CLDND2: variants seen among roughly 807,000 people sequenced by gnomAD.
The protein encoded by CLDND2 is claudin domain-containing protein 2.
Under a neutral mutation model 17.7 loss-of-function variants are expected in CLDND2, and 18 were observed. The observed-to-expected ratio is 1.02, with a 90% CI of 0.70 to 1.51. CLDND2 has a LOEUF of 1.51. CLDND2 is among the 40% of genes most tolerant of loss of function. The probability of loss-of-function intolerance (pLI) is 0.00; values close to 1 mark genes in which losing one functional copy is unlikely to be tolerated. For missense variants in CLDND2, 233 were observed against 219.6 expected (o/e 1.06, Z -0.39); for synonymous variants, 113 against 93.0 (o/e 1.22, Z -1.24).
In CLDND2 at chr19:51,367,800, C is replaced by T. The variant is rs1986476746; in HGVS notation, c.310+86G>A. On this transcript the variant is annotated intron_variant, in intron 2 of 3. Transcript: ENST00000291715. The surrounding 1 kb of genome is among the most constrained non-coding windows in gnomAD (Gnocchi z 7.4). ...CTGCCCCTCGGATCCTGGCCGAGTA[C>T]CTCAAGCCCCTCCCCTGGCGACCAG... 1 of 1,535,278 alleles carries T rather than the reference C, an allele frequency of 6.5e-7. No homozygotes were observed. Among genetic ancestry groups the T allele is most frequent in the Admixed American group, 2.0e-5 (1 of 50,620 alleles).
Position 51,368,602 on chromosome 19 carries a change from C to CT in CLDND2, c.-26_-25insA. 6.2e-7 allele frequency: 1 copy of CT among 1,605,506 alleles called. No homozygotes were observed. The highest frequency in any genetic ancestry group is 8.5e-7 in the Non-Finnish European group (1 of 1,176,902). On this transcript the variant is annotated 5_prime_UTR_variant, in exon 1 of 4. Transcript: ENST00000291715. ...TGCCACTGAGGCTGCAGCCGGGGGC[C>CT]ACAAGGGCAGGATGGGCCCAGGCCT...
In CLDND2 at chr19:51,367,872, G is replaced by A; in HGVS notation, c.310+14C>T. 6.2e-7 allele frequency: 1 copy of A among 1,608,148 alleles called. No individual in the cohort carries two copies. Among genetic ancestry groups the A allele is most frequent in the South Asian group, 1.1e-5 (1 of 90,856 alleles). ...CGCCCCTGCCTGCCCGCCTGGGGCG[G>A]TCTGCAGTCTCACCGCCGAGGAAGA... is the stretch of plus-strand genomic sequence containing the variant. On this transcript the variant is annotated intron_variant, in intron 2 of 3. Transcript: ENST00000291715. The surrounding 1 kb of genome is among the most constrained non-coding windows in gnomAD (Gnocchi z 7.4).
chr19:51,367,491 A>T lies in CLDND2; in HGVS notation c.396T>A (p.Ser132=). 1.2e-6 allele frequency: 2 copies of T among 1,606,500 alleles called. No homozygotes were observed. The highest frequency in any genetic ancestry group is 1.7e-6 in the Non-Finnish European group (2 of 1,176,014). ...NNVFFSWSYF[S]GWLALPFSIL... is the part of the protein sequence containing the mutation. The stretch of plus-strand genomic sequence containing the variant: ...TTGAGAAGGGTAAGGCCAGCCACCC[A>T]GAAAAATAGGACCAAGAGAAGAAGA... The change falls in exon 3 of 4, where the codon TCT becomes TCA. Residue 132 remains serine, a synonymous_variant. Transcript: ENST00000291715. This position sits in a 1 kb window ranked among gnomAD's most constrained non-coding sequence, Gnocchi z 7.4.
rs957378057 is a variant in CLDND2 at position 51,367,761 on chromosome 19, G to A, written c.310+125C>T. On this transcript the variant is annotated intron_variant, in intron 2 of 3. Coordinates refer to ENST00000291715, the MANE Select transcript of CLDND2 (RefSeq NM_152353.3). The surrounding 1 kb of genome is among the most constrained non-coding windows in gnomAD (Gnocchi z 7.4). ...GTCTCGAGCCCCGCCCACCTCTCTC[G>A]GCTTCTTCCAGCCCTGCCCCTCGGA... 15 of 1,479,310 alleles carry A rather than the reference G, an allele frequency of 1.0e-5. No homozygotes were observed. The highest frequency in any genetic ancestry group is 2.5e-5 in the East Asian group (1 of 40,522). The allele number at this position is 1,479,310 out of a possible 1,614,324, so 91.6% of individuals were successfully genotyped here. A position where few individuals can be genotyped will look rare whatever the true frequency, so the allele number is the denominator to read the frequency against.
At position 51,367,685 on chromosome 19, in the gene CLDND2, T is replaced by C; in HGVS notation, c.311-109A>G. On this transcript the variant is annotated intron_variant, in intron 2 of 3. Coordinates refer to ENST00000291715, the MANE Select transcript of CLDND2 (RefSeq NM_152353.3). The surrounding 1 kb of genome is among the most constrained non-coding windows in gnomAD (Gnocchi z 7.4). ...TCTATCAGACCACGCCTATCGCCTC[T>C]CAGCCCGCCCCTGGCCCAGGCCCCT... 2.7e-6 allele frequency: 4 copies of C among 1,497,658 alleles called. No individual in the cohort carries two copies. In the East Asian group the frequency reaches 9.9e-5, roughly 37 times the overall value. 92.8% of individuals were successfully genotyped at this position (1,497,658 alleles called of 1,614,324 possible). A position where few individuals can be genotyped will look rare whatever the true frequency, so the allele number is the denominator to read the frequency against.
At chr19:51,367,040 C>A, downstream of CLDND2, 1 of 1,076,640 alleles carries the variant, frequency 9.3e-7, no homozygotes, top group Non-Finnish European at 1.4e-6. This position sits in a 1 kb window ranked among gnomAD's most constrained non-coding sequence, Gnocchi z 7.4. Context: ...CCCTGAGCCT[C>A]TATGCAACCC....
At chr19:51,368,138 G>T in intron 1 of CLDND2, 112 bp from the exon 2 acceptor site, 1 of 1,239,526 alleles carries the variant, frequency 8.1e-7, no homozygotes, top group East Asian at 2.5e-5. Context: ...GTGGCCAGGA[G>T]CCGAGCTCCA....
Position 51,367,692 on chromosome 19 carries a change from GC to G in CLDND2, c.311-117del. ...GACCACGCCTATCGCCTCTCAGCCCGCCCCTGGCCCAGGCCCCTTCCTGCTC... is the reference window on the plus strand; with the variant it reads ...GACCACGCCTATCGCCTCTCAGCCCGCCCTGGCCCAGGCCCCTTCCTGCTC... On this transcript the variant is annotated intron_variant, in intron 2 of 3. Transcript: ENST00000291715. The surrounding 1 kb of genome is among the most constrained non-coding windows in gnomAD (Gnocchi z 7.4). The G allele has an allele frequency of 6.7e-7, 1 of 1,491,346 alleles. No homozygotes were observed. The highest frequency in any genetic ancestry group is 8.9e-7 in the Non-Finnish European group (1 of 1,120,818). 92.4% of individuals were successfully genotyped at this position (1,491,346 alleles called of 1,614,324 possible).
rs373919523 is a variant in CLDND2 at position 51,367,464 on chromosome 19, A to G, written c.423T>C (p.Ile141=). ...TCCCGCTGTCCAGTTTACCCGCGAG[A>G]ATTGAGAAGGGTAAGGCCAGCCACC... ...FSGWLALPFS[I]LAGFCFLLAD... is the part of the protein sequence containing the mutation. Residue 141 remains isoleucine, a synonymous_variant, in exon 3 of 4, where the codon ATT becomes ATC. Transcript: ENST00000291715. This position sits in a 1 kb window ranked among gnomAD's most constrained non-coding sequence, Gnocchi z 7.4. 77 of 1,599,846 alleles carry G rather than the reference A, an allele frequency of 4.8e-5. No individual in the cohort carries two copies. The highest frequency in any genetic ancestry group is 6.4e-5 in the Non-Finnish European group (75 of 1,172,500).
rs1986535614 is a variant in CLDND2, at chr19:51,368,538, G to A, written c.40C>T (p.Leu14Phe). The A allele has an allele frequency of 6.2e-7, 1 of 1,613,966 alleles. No homozygotes were observed. The highest frequency in any genetic ancestry group is 1.3e-5 in the African/African-American group (1 of 75,058). Reference protein sequence around the residue: ...KRSLQSGGILLSLVANVLMVL... With the variant: ...KRSLQSGGILFSLVANVLMVL... ...ATGAGGACGTTGGCCACGAGGCTGA[G>A]CAGAATGCCCCCACTCTGGAGGCTC... Residue 14 changes from leucine (L) to phenylalanine (F), a missense_variant, in exon 1 of 4, where the codon CTC (leucine) becomes TTC (phenylalanine). Physicochemically the swap from Leu to Phe is conservative, Grantham distance 22. Transcript: ENST00000291715.
In CLDND2 at chr19:51,368,920, C is replaced by G. The variant is rs78557740; in HGVS notation, c.-343G>C. ...TTCAGCCCAGCCTGTTCAATGTCCT[C>G]CCCAGACACCCCTCCACACAGGCCC... On this transcript the variant is annotated 5_prime_UTR_variant, in exon 1 of 4. Coordinates refer to ENST00000291715, the MANE Select transcript of CLDND2 (RefSeq NM_152353.3). 0.023 allele frequency: 4,977 copies of G among 219,686 alleles called. 243 individuals are homozygous for G. The highest frequency in any genetic ancestry group is 0.11 in the African/African-American group (4,624 of 43,334). The allele number at this position is 219,686 out of a possible 1,614,324, so 13.6% of individuals were successfully genotyped here.
Position 51,367,473 on chromosome 19 carries a change from G to A in CLDND2, c.414C>T (p.Pro138=). Residue 138 remains proline (P), a synonymous_variant, in exon 3 of 4, where the codon CCC becomes CCT. Transcript: ENST00000291715. The surrounding 1 kb of genome is among the most constrained non-coding windows in gnomAD (Gnocchi z 7.4). ...CCAGTTTACCCGCGAGAATTGAGAA[G>A]GGTAAGGCCAGCCACCCAGAAAAAT... The part of the protein sequence containing the change: ...WSYFSGWLAL[P]FSILAGFCFL... 6.2e-7 allele frequency: 1 copy of A among 1,601,802 alleles called. No homozygotes were observed. The highest frequency in any genetic ancestry group is 8.5e-7 in the Non-Finnish European group (1 of 1,173,520).
At position 51,367,886 on chromosome 19, in the gene CLDND2, C is replaced by A. The variant is rs766917605; in HGVS notation, c.310G>T (p.Gly104Ter). ...QTTSAFLFLGGLLLLTALIGY... is the reference protein window; with the variant it reads ...QTTSAFLFLG ...CGCCTGGGGCGGTCTGCAGTCTCAC[C>A]GCCGAGGAAGAGGAAGGCGCTCGTG... The change falls in exon 2 of 4, where the codon GGA becomes TGA. Residue 104 changes from glycine (G) to a stop codon, truncating the protein, a stop_gained and splice_region_variant. Transcript: ENST00000291715. LOFTEE classifies it high-confidence loss of function. The surrounding 1 kb of genome is among the most constrained non-coding windows in gnomAD (Gnocchi z 7.4). 6.2e-7 allele frequency: 1 copy of A among 1,610,386 alleles called. No individual in the cohort carries two copies. The highest frequency in any genetic ancestry group is 2.2e-5 in the East Asian group (1 of 44,846).
chr19:51,367,609 TG>T lies in CLDND2; in HGVS notation c.311-34del, dbSNP rs1568473352. 1.3e-6 allele frequency: 2 copies of T among 1,598,746 alleles called. No homozygotes were observed. Among genetic ancestry groups the T allele is most frequent in the Admixed American group, 1.7e-5 (1 of 57,786 alleles). ...CCGCCCAGCCGCAAGATGAGCTAGC[TG>T]GGCCTGGTGGGGGCTGCACCCAGGC... On this transcript the variant is annotated intron_variant, in intron 2 of 3. Coordinates refer to ENST00000291715, the MANE Select transcript of CLDND2 (RefSeq NM_152353.3). The surrounding 1 kb of genome is among the most constrained non-coding windows in gnomAD (Gnocchi z 7.4).
chr19:51,366,999 C>T (rs919093511), downstream of CLDND2: 1 of 728,846 alleles, frequency 1.4e-6, no homozygotes, highest in Non-Finnish European at 2.5e-6. Context: ...CCTGTCTCCA[C>T]GTTCCCTATG....
At position 51,368,734 on chromosome 19, in the gene CLDND2, CA is replaced by C; in HGVS notation, c.-158del. On this transcript the variant is annotated 5_prime_UTR_variant, in exon 1 of 4. Coordinates refer to ENST00000291715, the MANE Select transcript of CLDND2 (RefSeq NM_152353.3). ...TGGGGACCTGGAGACCCCCCTCCCTCAACAACCCTGCCTGAGGATCCACAAC... is the reference window on the plus strand; with the variant it reads ...TGGGGACCTGGAGACCCCCCTCCCTCACAACCCTGCCTGAGGATCCACAAC... 1 of 627,752 alleles carries C rather than the reference CA, an allele frequency of 1.6e-6. No homozygotes were observed. Among genetic ancestry groups the C allele is most frequent in the African/African-American group, 1.9e-5 (1 of 53,844 alleles). The allele number at this position is 627,752 out of a possible 1,614,324, so 38.9% of individuals were successfully genotyped here.
intron 1 of CLDND2, 127 bp downstream of exon 1, chr19:51,368,282 C>T (rs1437771563): frequency 1.6e-6 from 2 of 1,230,612 alleles, no homozygotes; most frequent in South Asian, 1.4e-5. Flanking sequence ...GCGGCCTCGG[C>T]CGACAAGGGA....
chr19:51,367,470 G>A lies in CLDND2; in HGVS notation c.417C>T (p.Phe139=). Residue 139 remains phenylalanine, a synonymous_variant, in exon 3 of 4, where the codon TTC becomes TTT. Transcript: ENST00000291715. This position sits in a 1 kb window ranked among gnomAD's most constrained non-coding sequence, Gnocchi z 7.4. ...TGTCCAGTTTACCCGCGAGAATTGA[G>A]AAGGGTAAGGCCAGCCACCCAGAAA... The part of the protein sequence containing the change: ...SYFSGWLALP[F]SILAGFCFLL... The A allele has an allele frequency of 6.2e-7, 1 of 1,601,276 alleles. No individual in the cohort carries two copies. Among genetic ancestry groups the A allele is most frequent in the Non-Finnish European group, 8.5e-7 (1 of 1,173,202 alleles).
chr19:51,368,230 G>A, intron 1 of CLDND2, 179 bp downstream of exon 1: 1 of 904,816 alleles, frequency 1.1e-6, no homozygotes, highest in Non-Finnish European at 1.6e-6. Flanking sequence ...GGACGGGGAG[G>A]GGGTCGGGGA....
Sources: allele counts gnomAD v4.1 joint callset, GRCh38; gene constraint gnomAD v4.1.1; non-coding constraint Gnocchi (gnomAD v3.1); transcripts MANE v1.5; gene names NCBI Gene and HGNC (gene_info 2026-07-23, HGNC 2026-07-21).